Variants in TERF1 observed in about 807,000 individuals in gnomAD.
TERF1 encodes the protein telomeric repeat binding factor 1, also known as telomeric repeat-binding factor 1.
TERF1 carries 20 observed loss-of-function variants against 55.1 expected under a neutral mutation model. The ratio of observed to expected loss-of-function variants is 0.36; its 90% CI spans 0.26 to 0.53. The LOEUF (loss-of-function observed/expected upper bound fraction) is 0.53, where lower values mean the gene tolerates loss of function less well. Among genes scored for constraint, TERF1 ranks in the 20% least tolerant of loss-of-function variants. TERF1 has a pLI of 0.91. For missense variants in TERF1, 439 were observed against 535.7 expected, an observed-to-expected ratio of 0.82 and a Z score of 1.78; for synonymous variants, 168 against 181.2, an observed-to-expected ratio of 0.93 and a Z score of 0.59.
chr8:73,027,445 C>T (rs902337044), intron 6 of TERF1, among the ~76,000 whole-genome samples: 1 of 152,136 alleles, frequency 6.6e-6, no homozygotes, highest in Non-Finnish European at 1.5e-5. Context: ...TAAGCATAAG[C>T]TCACTGCTTC....
At chr8:73,036,510 G>A (rs1809517163) in intron 8 of TERF1, among the ~76,000 whole-genome samples, 1 of 152,044 alleles carries the variant, frequency 6.6e-6, no homozygotes, top group Non-Finnish European at 1.5e-5. Flanking sequence ...AGTTTCCTGT[G>A]CATGAACAAA....
At chr8:73,024,072 T>G (rs1808878968) in intron 4 of TERF1, among the ~76,000 whole-genome samples, 1 of 152,200 alleles carries the variant, frequency 6.6e-6, no homozygotes, top group Non-Finnish European at 1.5e-5. Flanking sequence ...AAAGTTCTAC[T>G]TTTTTTATTG....
In TERF1 at chr8:73,039,140, G is replaced by T; in HGVS notation, c.1064G>T (p.Arg355Ile). 6.3e-7 allele frequency: 1 copy of T among 1,596,476 alleles called. No individual in the cohort carries two copies. The highest frequency in any genetic ancestry group is 8.5e-7 in the Non-Finnish European group (1 of 1,173,160). ...PQSTKKKKES[R>I]RATESRIPVS... Reference sequence around the variant, plus strand: ...GGTACAAAAAAGAAAAAAGAAAGCAGAAGAGCCACTGAAAGCAGAATACCT... The same window carrying T: ...GGTACAAAAAAGAAAAAAGAAAGCATAAGAGCCACTGAAAGCAGAATACCT... The change falls in exon 9 of 10, where the codon AGA becomes ATA. Residue 355 changes from arginine (R) to isoleucine (I), a missense_variant. Arg to Ile is a moderately conservative substitution (Grantham distance 97). This residue lies in a region of TERF1 where 140 missense variants were observed against 158.6 expected (regional missense o/e 0.88). Coordinates refer to ENST00000276603, the MANE Select transcript of TERF1 (RefSeq NM_017489.3).
Position 73,032,261 on chromosome 8 carries a change from A to C in TERF1, c.1039+128A>C, listed in dbSNP as rs1809321392. 3 of 620,852 alleles carry C rather than the reference A, an allele frequency of 4.8e-6. No individual in the cohort carries two copies. In the African/African-American group the frequency reaches 5.6e-5, roughly 12 times the overall value. The allele number at this position is 620,852 out of a possible 1,614,324, so 38.5% of individuals were successfully genotyped here. ...AACTGAAGCACAAAGTCTTGACTTC[A>C]TAGAGTTAATTGAGATAGTGTTTAA... On this transcript the variant is annotated intron_variant, in intron 8 of 9. Transcript: ENST00000276603.
chr8:73,041,133 T>A (rs1353988339), intron 9 of TERF1, among the ~76,000 whole-genome samples: 2 of 152,210 alleles, frequency 1.3e-5, no homozygotes, highest in African/African-American at 2.4e-5. Context: ...TCAGACTGTG[T>A]TTTTTGCTTT....
At chr8:73,017,838 G>T (rs965893358) in intron 2 of TERF1, among the ~76,000 whole-genome samples, 1 of 152,038 alleles carries the variant, frequency 6.6e-6, no homozygotes, top group Non-Finnish European at 1.5e-5. Context: ...GAGTAGCTGG[G>T]ACTACAGGCG....
chr8:73,020,590 A>G (rs1808709192), intron 2 of TERF1, 94 bp from the exon 3 acceptor site: 5 of 1,080,404 alleles, frequency 4.6e-6, no homozygotes, highest in Non-Finnish European at 2.6e-6. Context: ...CACATAGTAT[A>G]CACTCAGTAA....
chr8:73,037,823 A>T (rs1809649667), intron 8 of TERF1, among the ~76,000 whole-genome samples: 1 of 104,664 alleles, frequency 9.6e-6, no homozygotes, highest in Non-Finnish European at 1.8e-5. Flanking sequence ...TATATATAAT[A>T]TATAGTATAA....
At chr8:73,018,411 C>T (rs1416866776) in intron 2 of TERF1, among the ~76,000 whole-genome samples, 1 of 152,194 alleles carries the variant, frequency 6.6e-6, no homozygotes, top group African/African-American at 2.4e-5. Context: ...CTTGGTGGCT[C>T]ACGCCTGTAA....
intron 6 of TERF1, among the ~76,000 whole-genome samples, chr8:73,027,884 C>T (rs1809085876): frequency 6.6e-6 from 1 of 152,140 alleles, no homozygotes; most frequent in Non-Finnish European, 1.5e-5. Context: ...GCATTTGTCA[C>T]ATCTTAGGAC....
chr8:73,039,086 A>G (rs1161347765), intron 8 of TERF1, 30 bp from the exon 9 acceptor site: 2 of 1,367,210 alleles, frequency 1.5e-6, no homozygotes, highest in Non-Finnish European at 2.0e-6. Flanking sequence ...ATGTAAATCA[A>G]TATTTATGAC....
intron 4 of TERF1, among the ~76,000 whole-genome samples, chr8:73,022,979 T>C (rs947816405): frequency 3.9e-5 from 6 of 152,186 alleles, no homozygotes; most frequent in African/African-American, 1.4e-4. Flanking sequence ...ATATAACATA[T>C]GTACATCCTC....
chr8:73,025,920 C>T (rs1166361950), intron 5 of TERF1, among the ~76,000 whole-genome samples: 1 of 149,700 alleles, frequency 6.7e-6, no homozygotes, highest in South Asian at 2.1e-4. Context: ...TCTGGTCAGG[C>T]GCAGTGGCTC....
chr8:73,044,252 C>T (rs980748629), intron 9 of TERF1, among the ~76,000 whole-genome samples: 2 of 152,060 alleles, frequency 1.3e-5, no homozygotes, highest in Non-Finnish European at 2.9e-5. Flanking sequence ...GCACAGTTGC[C>T]GATAGGTGTG....
intron 2 of TERF1, among the ~76,000 whole-genome samples, chr8:73,016,492 G>A (rs1808509251): frequency 6.6e-6 from 1 of 151,172 alleles, no homozygotes; most frequent in South Asian, 2.1e-4. Context: ...GAATGCAGTG[G>A]TGCCATCATA....
intron 2 of TERF1, among the ~76,000 whole-genome samples, chr8:73,019,374 A>G (rs1297810928): frequency 6.6e-6 from 1 of 152,210 alleles, no homozygotes; most frequent in Non-Finnish European, 1.5e-5. Context: ...AGCACCATTT[A>G]TCCAATTATT....
rs1030362778 is a variant in TERF1 at position 73,013,931 on chromosome 8, A to G, written c.356A>G (p.Gln119Arg). ...GGACTATCCAGTCTAACAGCTTGCC[A>G]GTTGAGAACGATATACATATGTCAG... ...IHGLSSLTAC[Q>R]LRTIYICQFL... Residue 119 changes from glutamine to arginine, a missense_variant, in exon 2 of 10, where the codon CAG becomes CGG. By Grantham distance (43) the Gln-to-Arg change is conservative. Around this residue, in one of 4 missense-constraint regions of TERF1, gnomAD observed 95 missense variants for 167.2 expected, o/e 0.57. Coordinates refer to ENST00000276603, the MANE Select transcript of TERF1 (RefSeq NM_017489.3). The G allele has an allele frequency of 1.9e-6, 3 of 1,611,288 alleles. No individual in the cohort carries two copies. The highest frequency in any genetic ancestry group is 2.5e-6 in the Non-Finnish European group (3 of 1,179,482).
At chr8:73,024,062 A>G (rs1808878778) in intron 4 of TERF1, among the ~76,000 whole-genome samples, 1 of 152,244 alleles carries the variant, frequency 6.6e-6, no homozygotes, top group Non-Finnish European at 1.5e-5. Flanking sequence ...GAATTTTTTT[A>G]AAGTTCTACT....
intron 1 of TERF1, among the ~76,000 whole-genome samples, chr8:73,013,149 A>G (rs1184896069): frequency 6.6e-6 from 1 of 152,188 alleles, no homozygotes; most frequent in African/African-American, 2.4e-5. Context: ...TAAGTTTTTT[A>G]TATATACACC....
Sources: gnomAD v4.1 joint callset for allele counts (sites outside exome capture counted in the v4.1 genomes callset) on GRCh38, gnomAD v4.1.1 for gene constraint, gnomAD v4.1.1 regional missense constraint, MANE v1.5 for transcripts, NCBI Gene and HGNC (gene_info 2026-07-23, HGNC 2026-07-21) for gene names.